SUGT1: variants seen among roughly 807,000 people sequenced by gnomAD.
SUGT1 encodes the protein protein SGT1 homolog.
SUGT1 carries 15 observed loss-of-function variants against 56.1 expected under a neutral mutation model. The ratio of observed to expected loss-of-function variants is 0.27; its 90% CI spans 0.18 to 0.41. The LOEUF (loss-of-function observed/expected upper bound fraction) is 0.41. Ranked by LOEUF, SUGT1 falls within the 10% of genes least tolerant of loss-of-function variation. The probability of loss-of-function intolerance (pLI) is 1.00; values close to 1 mark genes in which losing one functional copy is unlikely to be tolerated. For missense variants in SUGT1, 347 were observed against 382.2 expected, an observed-to-expected ratio of 0.91 and a Z score of 0.77; for synonymous variants, 123 against 128.6, an observed-to-expected ratio of 0.96 and a Z score of 0.30.
At chr13:52,662,796 A>G (rs1962523896) in intron 6 of SUGT1, 94 bp downstream of exon 6, 1 of 1,304,510 alleles carries the variant, frequency 7.7e-7, no homozygotes, top group Non-Finnish European at 1.1e-6. Flanking sequence ...TATCTTTATA[A>G]TTTCTTTTAA....
At chr13:52,686,225 G>A (rs1397722809) in intron 12 of SUGT1, among the ~76,000 whole-genome samples, 2 of 152,108 alleles carry the variant, frequency 1.3e-5, no homozygotes, top group Non-Finnish European at 2.9e-5. Context: ...ACTACGCCTG[G>A]CCTTGGGGTA....
chr13:52,691,852 C>G lies in SUGT1; in HGVS notation c.*4017C>G, dbSNP rs1963787310. 1 of 151,832 alleles carries G rather than the reference C, an allele frequency of 6.6e-6. No individual in the cohort carries two copies. The highest frequency in any genetic ancestry group is 1.5e-5 in the Non-Finnish European group (1 of 67,946). 9.4% of individuals were successfully genotyped at this position (151,832 alleles called of 1,614,324 possible). A position where few individuals can be genotyped will look rare whatever the true frequency, so the allele number is the denominator to read the frequency against. ...GGGTTCATCTCTTTTGATGTGGTTTCCCTTTCTCCATCTGTGCATTTTTTA... is the reference window on the plus strand; with the variant it reads ...GGGTTCATCTCTTTTGATGTGGTTTGCCTTTCTCCATCTGTGCATTTTTTA... On this transcript the variant is annotated 3_prime_UTR_variant, in exon 13 of 13. Transcript: ENST00000310528.
At position 52,693,106 on chromosome 13, in the gene SUGT1, T is replaced by C. The variant is rs1388160757; in HGVS notation, c.*5271T>C. On this transcript the variant is annotated 3_prime_UTR_variant, in exon 13 of 13. Transcript: ENST00000310528. ...AGGTTATTTCCTTTTTCCTAACTTA[T>C]GTTAGCATTTTGTATATATATATAT... is the stretch of plus-strand genomic sequence containing the variant. 1.6e-5 allele frequency: 2 copies of C among 128,050 alleles called. No homozygotes were observed. The highest frequency in any genetic ancestry group is 3.0e-5 in the African/African-American group (1 of 33,238). The allele number at this position is 128,050 out of a possible 1,614,324, so 7.9% of individuals were successfully genotyped here. A position where few individuals can be genotyped will look rare whatever the true frequency, so the allele number is the denominator to read the frequency against.
At position 52,653,099 on chromosome 13, in the gene SUGT1, T is replaced by C. The variant is rs1961987771; in HGVS notation, c.92T>C (p.Leu31Ser). 6.2e-7 allele frequency: 1 copy of C among 1,614,040 alleles called. No individual in the cohort carries two copies. The highest frequency in any genetic ancestry group is 8.5e-7 in the Non-Finnish European group (1 of 1,180,044). The change falls in exon 2 of 13, where the codon TTA (leucine) becomes TCA (serine). Residue 31 changes from leucine to serine, a missense_variant. Coordinates refer to ENST00000310528, the MANE Select transcript of SUGT1 (RefSeq NM_006704.5). The stretch of plus-strand genomic sequence containing the variant: ...ATCGACGAGGACCCCCAGGCGGCGT[T>C]AGAGGTGAGAGAGCCCATTTCTGCT... ...ALIDEDPQAALEELTKALEQK... is the reference protein window; with the variant it reads ...ALIDEDPQAASEELTKALEQK...
Position 52,694,071 on chromosome 13 carries a change from T to C in SUGT1, c.*6236T>C, listed in dbSNP as rs1055215345. 1.3e-5 allele frequency: 2 copies of C among 152,186 alleles called. No individual in the cohort carries two copies. Among genetic ancestry groups the C allele is most frequent in the South Asian group, 4.1e-4 (2 of 4,828 alleles). The allele number at this position is 152,186 out of a possible 1,614,324, so 9.4% of individuals were successfully genotyped here. Reference sequence around the variant, plus strand: ...AGCAGTTGACTGTGGGTCACTGAAATTGTGGAAAGCAAAACCATGGATAAA... The same window carrying C: ...AGCAGTTGACTGTGGGTCACTGAAACTGTGGAAAGCAAAACCATGGATAAA... On this transcript the variant is annotated 3_prime_UTR_variant, in exon 13 of 13. Transcript: ENST00000310528.
chr13:52,653,550 G>T (rs554345833), intron 2 of SUGT1, among the ~76,000 whole-genome samples: 1 of 152,254 alleles, frequency 6.6e-6, no homozygotes, highest in Non-Finnish European at 1.5e-5. Context: ...AAACTTTCCA[G>T]ATGTCTTATC....
chr13:52,669,752 A>G (rs1373831239), intron 10 of SUGT1, among the ~76,000 whole-genome samples: 1 of 152,186 alleles, frequency 6.6e-6, no homozygotes, highest in East Asian at 1.9e-4. Flanking sequence ...TTAGATTACT[A>G]ACTCTTAAAC....
chr13:52,665,829 ATTTC>A (rs1962678910), intron 9 of SUGT1, 96 bp downstream of exon 9: 2 of 763,696 alleles, frequency 2.6e-6, no homozygotes, highest in Non-Finnish European at 4.0e-6. Context: ...GATAAATGCT[ATTTC>A]TTCCTGAGAT....
intron 2 of SUGT1, among the ~76,000 whole-genome samples, chr13:52,654,563 ATAATGCTCCT>A (rs1411616725): frequency 6.6e-6 from 1 of 152,216 alleles, no homozygotes; most frequent in Non-Finnish European, 1.5e-5. Flanking sequence ...ATCTCCATTC[ATAATGCTCCT>A]TAATGCGCCT....
rs945309660 is a variant in SUGT1, at chr13:52,676,145, A to G, written c.628-85A>G. 2.9e-6 allele frequency: 3 copies of G among 1,048,192 alleles called. 1 individual carries two copies. Among genetic ancestry groups the G allele is most frequent in the Non-Finnish European group, 4.1e-6 (3 of 732,798 alleles). The allele number at this position is 1,048,192 out of a possible 1,614,324, so 64.9% of individuals were successfully genotyped here. A position where few individuals can be genotyped will look rare whatever the true frequency, so the allele number is the denominator to read the frequency against. ...TGTCAAAGATACTATTCTTAACAAA[A>G]CTTTGATGACTTAAGAAAACTGCAT... On this transcript the variant is annotated intron_variant, in intron 10 of 12. Coordinates refer to ENST00000310528, the MANE Select transcript of SUGT1 (RefSeq NM_006704.5).
chr13:52,658,551 T>A (rs1442044396), intron 4 of SUGT1, 83 bp downstream of exon 4: 1 of 1,304,648 alleles, frequency 7.7e-7, no homozygotes, highest in African/African-American at 1.5e-5. Flanking sequence ...GCAAGCTTTA[T>A]ATAAGTTGTA....
intron 9 of SUGT1, 128 bp from the exon 10 acceptor site, chr13:52,666,661 AGAACCTTTTGAGGTTCTTAAATC>A: frequency 3.4e-6 from 2 of 596,376 alleles, no homozygotes; most frequent in South Asian, 2.3e-5. Context: ...TAAATCTTTG[AGAACCTTTTGAGGTTCTTAAATC>A]TAAAATTCCA....
chr13:52,682,330 A>T (rs1963410398), intron 12 of SUGT1, among the ~76,000 whole-genome samples: 1 of 151,972 alleles, frequency 6.6e-6, no homozygotes. Flanking sequence ...TCCCAAGTAG[A>T]TGGGACTACA....
rs1566185001 is a variant in SUGT1 at position 52,668,577 on chromosome 13, A to ATT, written c.627+1659_627+1660insTT. Among the ~76,000 whole-genome samples the ATT allele has an allele frequency of 3.3e-5, 5 of 152,294 alleles. No individual in the cohort carries two copies. In the South Asian group the frequency reaches 1.0e-3, roughly 32 times the overall value. On this transcript the variant is annotated intron_variant, in intron 10 of 12. Transcript: ENST00000310528. ...ATTTTTGAAATAGCTGCTTGGGACA[A>ATT]TAGAAAGTGAGGAAAGGGATGAAAT... is the stretch of plus-strand genomic sequence containing the variant.
rs578256359 is a variant in SUGT1 at position 52,697,479 on chromosome 13, T to G, written c.*9644T>G. On this transcript the variant is annotated 3_prime_UTR_variant, in exon 13 of 13. Transcript: ENST00000310528. ...TTAGGTTTGAGCATATGTAGCAATA[T>G]GGAAACAAAGAGTGAGTCAATTTAT... 3.9e-5 allele frequency: 6 copies of G among 152,326 alleles called. No individual in the cohort carries two copies. Among genetic ancestry groups the G allele is most frequent in the African/African-American group, 9.6e-5 (4 of 41,576 alleles). 9.4% of individuals were successfully genotyped at this position (152,326 alleles called of 1,614,324 possible).
In SUGT1 at chr13:52,693,932, A is replaced by AT. The variant is rs566394714; in HGVS notation, c.*6103dup. 94 of 152,312 alleles carry AT rather than the reference A, an allele frequency of 6.2e-4. No homozygotes were observed. Among genetic ancestry groups the AT allele is most frequent in the African/African-American group, 2.2e-3 (92 of 41,564 alleles). 9.4% of individuals were successfully genotyped at this position (152,312 alleles called of 1,614,324 possible). A position where few individuals can be genotyped will look rare whatever the true frequency, so the allele number is the denominator to read the frequency against. On this transcript the variant is annotated 3_prime_UTR_variant, in exon 13 of 13. Coordinates refer to ENST00000310528, the MANE Select transcript of SUGT1 (RefSeq NM_006704.5). The stretch of plus-strand genomic sequence containing the variant: ...CCCCAGTACTGAATGCTGTATGTAC[A>AT]TTTTTTATACATGTATACTTATGAT...
chr13:52,657,478 A>G, intron 2 of SUGT1, 54 bp from the exon 3 acceptor site: 3 of 1,460,420 alleles, frequency 2.1e-6, no homozygotes, highest in Admixed American at 1.8e-5. Flanking sequence ...TTTAATTAGA[A>G]TTTGATGGCT....
At position 52,690,688 on chromosome 13, in the gene SUGT1, A is replaced by G. The variant is rs1386164678; in HGVS notation, c.*2853A>G. The G allele has an allele frequency of 2.6e-5, 4 of 152,110 alleles. No homozygotes were observed. The highest frequency in any genetic ancestry group is 6.6e-5 in the Admixed American group (1 of 15,264). The allele number at this position is 152,110 out of a possible 1,614,324, so 9.4% of individuals were successfully genotyped here. On this transcript the variant is annotated 3_prime_UTR_variant, in exon 13 of 13. Transcript: ENST00000310528. ...CCACAAGTTTGAAACATCAAGGTCA[A>G]TTTTGATAATTTCCTGTCTTATGTC...
In SUGT1 at chr13:52,689,418, T is replaced by C. The variant is rs775050455; in HGVS notation, c.*1583T>C. On this transcript the variant is annotated 3_prime_UTR_variant, in exon 13 of 13. Coordinates refer to ENST00000310528, the MANE Select transcript of SUGT1 (RefSeq NM_006704.5). ...TAAATTTTCTCAGTACCATTAATCC[T>C]AAGATGAAGAGGAAGGCTATTGCTG... The C allele has an allele frequency of 1.3e-5, 2 of 152,224 alleles. No homozygotes were observed. The highest frequency in any genetic ancestry group is 2.9e-5 in the Non-Finnish European group (2 of 68,042). The allele number at this position is 152,224 out of a possible 1,614,324, so 9.4% of individuals were successfully genotyped here.
Sources: gnomAD v4.1 joint callset for allele counts (sites outside exome capture counted in the v4.1 genomes callset) on GRCh38, gnomAD v4.1.1 for gene constraint, MANE v1.5 for transcripts, NCBI Gene and HGNC (gene_info 2026-07-23, HGNC 2026-07-21) for gene names.